The following LTB4R variants were observed in gnomAD, a reference collection of about 807,000 sequenced individuals.
LTB4R encodes the protein leukotriene B4 receptor 1.
For synonymous variants in LTB4R, 250 were observed against 230.7 expected (o/e 1.08, Z -0.76); for missense variants, 470 against 485.6 (o/e 0.97, Z 0.30).
chr14:24,316,989 G>C lies in LTB4R; in HGVS notation c.*279G>C, dbSNP rs1316604833. Reference sequence around the variant, plus strand: ...ATGTGCTGTGGGTATCGGGGTGCTCGTGGGCGCCCTGGTGGGGCCCCTCTC... The same window carrying C: ...ATGTGCTGTGGGTATCGGGGTGCTCCTGGGCGCCCTGGTGGGGCCCCTCTC... On this transcript the variant is annotated 3_prime_UTR_variant, in exon 2 of 2. Coordinates refer to ENST00000345363, the MANE Select transcript of LTB4R (RefSeq NM_001143919.3). The C allele has an allele frequency of 5.7e-6, 2 of 350,184 alleles. No individual in the cohort carries two copies. The highest frequency in any genetic ancestry group is 1.1e-5 in the Non-Finnish European group (2 of 184,360). The allele number at this position is 350,184 out of a possible 1,614,324, so 21.7% of individuals were successfully genotyped here.
In LTB4R at chr14:24,316,414, G is replaced by T; in HGVS notation, c.763G>T (p.Gly255Trp). ...AGRALAGQAA[G>W]LGLVGKRLSL... ...CCGCGCGCTGGCCGGCCAGGCCGCC[G>T]GGTTAGGGCTCGTGGGGAAGCGGCT... is the stretch of plus-strand genomic sequence containing the variant. Residue 255 changes from glycine (G) to tryptophan (W), a missense_variant, in exon 2 of 2, where the codon GGG (glycine) becomes TGG (tryptophan). Coordinates refer to ENST00000345363, the MANE Select transcript of LTB4R (RefSeq NM_001143919.3). The T allele has an allele frequency of 6.3e-7, 1 of 1,578,758 alleles. No homozygotes were observed.
In LTB4R at chr14:24,317,346, A is replaced by T. The variant is rs941861646; in HGVS notation, c.*636A>T. ...CTCTCCATAGGAGATGTTCTAGGGG[A>T]TGCCTTCCTTCCCTCCATTTCACAA... is the stretch of plus-strand genomic sequence containing the variant. On this transcript the variant is annotated 3_prime_UTR_variant, in exon 2 of 2. Transcript: ENST00000345363. 3 of 167,020 alleles carry T rather than the reference A, an allele frequency of 1.8e-5. No individual in the cohort carries two copies. Among genetic ancestry groups the T allele is most frequent in the Admixed American group, 6.5e-5 (1 of 15,292 alleles). 10.3% of individuals were successfully genotyped at this position (167,020 alleles called of 1,614,324 possible).
At chr14:24,312,210 A>C (rs1339607453) in intron 1 of LTB4R, among the ~76,000 whole-genome samples, 1 of 151,942 alleles carries the variant, frequency 6.6e-6, no homozygotes, top group Non-Finnish European at 1.5e-5. Flanking sequence ...CCATAGAACC[A>C]CTCTGGAAAT....
intron 1 of LTB4R, chr14:24,312,029 G>A (rs2041719879): frequency 2.4e-6 from 1 of 413,972 alleles, no homozygotes; most frequent in Non-Finnish European, 4.5e-6. Context: ...AATACACTGG[G>A]AAGCCATTAG....
rs1321397806 is a variant in LTB4R, at chr14:24,317,334, A to T, written c.*624A>T. ...ATAATCTTTGTCCTCTCCATAGGAG[A>T]TGTTCTAGGGGATGCCTTCCTTCCC... is the stretch of plus-strand genomic sequence containing the variant. On this transcript the variant is annotated 3_prime_UTR_variant, in exon 2 of 2. Coordinates refer to ENST00000345363, the MANE Select transcript of LTB4R (RefSeq NM_001143919.3). 6.0e-6 allele frequency: 1 copy of T among 167,074 alleles called. No individual in the cohort carries two copies. Among genetic ancestry groups the T allele is most frequent in the Non-Finnish European group, 1.5e-5 (1 of 68,126 alleles). 10.3% of individuals were successfully genotyped at this position (167,074 alleles called of 1,614,324 possible). A position where few individuals can be genotyped will look rare whatever the true frequency, so the allele number is the denominator to read the frequency against.
At position 24,316,785 on chromosome 14, in the gene LTB4R, C is replaced by T; in HGVS notation, c.*75C>T. 1 of 1,272,424 alleles carries T rather than the reference C, an allele frequency of 7.9e-7. No homozygotes were observed. The highest frequency in any genetic ancestry group is 1.0e-6 in the Non-Finnish European group (1 of 961,668). 78.8% of individuals were successfully genotyped at this position (1,272,424 alleles called of 1,614,324 possible). ...GCCAGTTCAGTACCTGGAGGAGGAG[C>T]AGGGGCGTGGAGGGCGTGGAGGGCG... On this transcript the variant is annotated 3_prime_UTR_variant, in exon 2 of 2. Coordinates refer to ENST00000345363, the MANE Select transcript of LTB4R (RefSeq NM_001143919.3).
chr14:24,312,063 C>G (rs1310101158), intron 1 of LTB4R: 2 of 304,690 alleles, frequency 6.6e-6, no homozygotes, highest in African/African-American at 2.2e-5. Flanking sequence ...TGTGCTTCCC[C>G]TGGTGGTTCT....
rs2041705056 is a variant in LTB4R, at chr14:24,311,510, C to T, written c.-310C>T. 4 of 1,602,568 alleles carry T rather than the reference C, an allele frequency of 2.5e-6. No individual in the cohort carries two copies. The highest frequency in any genetic ancestry group is 2.5e-6 in the Non-Finnish European group (3 of 1,179,996). ...CGGCCTTGGCCTTCTTCAGTTCTAG[C>T]GTCAACCCGGTGCTCTACGTCTTCA... On this transcript the variant is annotated 5_prime_UTR_variant, in exon 1 of 2. Coordinates refer to ENST00000345363, the MANE Select transcript of LTB4R (RefSeq NM_001143919.3).
intron 1 of LTB4R, 137 bp from the exon 2 acceptor site, chr14:24,315,500 G>A: frequency 3.3e-6 from 2 of 613,092 alleles, no homozygotes; most frequent in Non-Finnish European, 5.8e-6. Context: ...TGCAGCGATG[G>A]GGGCAGTATA....
In LTB4R at chr14:24,315,691, G is replaced by A. The variant is rs1302498032; in HGVS notation, c.40G>A (p.Val14Ile). 3.2e-5 allele frequency: 52 copies of A among 1,614,072 alleles called. No homozygotes were observed. Among genetic ancestry groups the A allele is most frequent in the Non-Finnish European group, 4.2e-5 (49 of 1,180,036 alleles). ...TTCTGCAGCACCCCCCTCACTAGGT[G>A]TAGAGTTCATCTCTCTGCTGGCTAT... ...TSSAAPPSLG[V>I]EFISLLAIIL... The change falls in exon 2 of 2, where the codon GTA (valine) becomes ATA (isoleucine). Residue 14 changes from valine (V) to isoleucine (I), a missense_variant. Coordinates refer to ENST00000345363, the MANE Select transcript of LTB4R (RefSeq NM_001143919.3).
At position 24,311,763 on chromosome 14, in the gene LTB4R, G is replaced by C; in HGVS notation, c.-57G>C. Reference sequence around the variant, plus strand: ...TTGACAGCAGACCCTACAACCTGCTGCCCTTCCCTGTCCCTTTCCACCCCC... The same window carrying C: ...TTGACAGCAGACCCTACAACCTGCTCCCCTTCCCTGTCCCTTTCCACCCCC... On this transcript the variant is annotated 5_prime_UTR_variant, in exon 1 of 2. Coordinates refer to ENST00000345363, the MANE Select transcript of LTB4R (RefSeq NM_001143919.3). 2.0e-6 allele frequency: 3 copies of C among 1,534,742 alleles called. No homozygotes were observed. The highest frequency in any genetic ancestry group is 2.6e-6 in the Non-Finnish European group (3 of 1,137,688).
intron 1 of LTB4R, chr14:24,312,056 G>T (rs1214000878): frequency 6.2e-6 from 2 of 322,250 alleles, no homozygotes; most frequent in East Asian, 1.2e-4. Context: ...ACTTAAGTGT[G>T]CTTCCCCTGG....
chr14:24,311,723 T>C lies in LTB4R; in HGVS notation c.-97T>C, dbSNP rs778654165. ...CGGGGGGTGGGATGGAGAAGGACGG[T>C]CCGGAATGGGACCTTTGACAGCAGA... On this transcript the variant is annotated 5_prime_UTR_variant, in exon 1 of 2. Transcript: ENST00000345363. 6.3e-7 allele frequency: 1 copy of C among 1,591,472 alleles called. No individual in the cohort carries two copies.
chr14:24,315,826 A>AAC lies in LTB4R; in HGVS notation c.176_177dup (p.Leu60ThrfsTer53). The AAC allele has an allele frequency of 6.2e-7, 1 of 1,614,240 alleles. No homozygotes were observed. Among genetic ancestry groups the AAC allele is most frequent in the Non-Finnish European group, 8.5e-7 (1 of 1,180,036 alleles). On this transcript the variant is annotated frameshift_variant, in exon 2 of 2. Coordinates refer to ENST00000345363, the MANE Select transcript of LTB4R (RefSeq NM_001143919.3). LOFTEE classifies it low-confidence loss of function (END_TRUNC). ...CTCTGTCACTGCCCTGATGGTGCTG[A>AAC]ACCTGGCCCTGGCCGACCTGGCCGT...
At position 24,316,925 on chromosome 14, in the gene LTB4R, C is replaced by A. The variant is rs1449793676; in HGVS notation, c.*215C>A. On this transcript the variant is annotated 3_prime_UTR_variant, in exon 2 of 2. Transcript: ENST00000345363. ...CCACAGGCAGCTTTAACCATTAAAA[C>A]TGAAGTCTGAAATTTGGTCAACCTT... 2.3e-6 allele frequency: 1 copy of A among 443,840 alleles called. No individual in the cohort carries two copies. The highest frequency in any genetic ancestry group is 4.1e-6 in the Non-Finnish European group (1 of 243,312). The allele number at this position is 443,840 out of a possible 1,614,324, so 27.5% of individuals were successfully genotyped here.
In LTB4R at chr14:24,316,941, G is replaced by C. The variant is rs1594643323; in HGVS notation, c.*231G>C. 1.2e-4 allele frequency: 54 copies of C among 432,122 alleles called. No homozygotes were observed. The East Asian group carries it at 2.1e-3, about 17-fold the overall frequency. 26.8% of individuals were successfully genotyped at this position (432,122 alleles called of 1,614,324 possible). A position where few individuals can be genotyped will look rare whatever the true frequency, so the allele number is the denominator to read the frequency against. On this transcript the variant is annotated 3_prime_UTR_variant, in exon 2 of 2. Coordinates refer to ENST00000345363, the MANE Select transcript of LTB4R (RefSeq NM_001143919.3). ...CCATTAAAACTGAAGTCTGAAATTT[G>C]GTCAACCTTGTGAGTGGGGTACATG...
chr14:24,311,508 AG>A lies in LTB4R; in HGVS notation c.-311del, dbSNP rs2041705002. On this transcript the variant is annotated 5_prime_UTR_variant, in exon 1 of 2. Coordinates refer to ENST00000345363, the MANE Select transcript of LTB4R (RefSeq NM_001143919.3). ...TACGGCCTTGGCCTTCTTCAGTTCT[AG>A]CGTCAACCCGGTGCTCTACGTCTTC... The A allele has an allele frequency of 1.2e-6, 2 of 1,602,626 alleles. No individual in the cohort carries two copies. Among genetic ancestry groups the A allele is most frequent in the Non-Finnish European group, 1.7e-6 (2 of 1,179,982 alleles).
At chr14:24,315,339 C>T (rs2139182159) in intron 1 of LTB4R, among the ~76,000 whole-genome samples, 2 of 152,194 alleles carry the variant, frequency 1.3e-5, no homozygotes, top group South Asian at 4.1e-4. Flanking sequence ...TTAGGGTCTC[C>T]TAAGGGGAGG....
At chr14:24,312,028 G>T in intron 1 of LTB4R, 1 of 421,274 alleles carries the variant, frequency 2.4e-6, no homozygotes, top group Non-Finnish European at 4.4e-6. Flanking sequence ...AAATACACTG[G>T]GAAGCCATTA....
Sources: gnomAD v4.1 joint callset for allele counts (sites outside exome capture counted in the v4.1 genomes callset) on GRCh38, gnomAD v4.1.1 for gene constraint, MANE v1.5 for transcripts, NCBI Gene and HGNC (gene_info 2026-07-23, HGNC 2026-07-21) for gene names.